The following PCYT2 variants were observed in gnomAD, a reference collection of about 807,000 sequenced individuals.
PCYT2 encodes ethanolamine-phosphate cytidylyltransferase.
In PCYT2, 33 loss-of-function variants were observed where a neutral mutation model predicts 50.0. The ratio of observed to expected loss-of-function variants is 0.66; its 90% CI spans 0.50 to 0.88. The LOEUF (loss-of-function observed/expected upper bound fraction) is 0.88. Ranked by LOEUF, PCYT2 falls within the 40% of genes least tolerant of loss-of-function variation. The pLI is 0.00. For missense variants in PCYT2, 430 were observed against 519.7 expected (o/e 0.83, Z 1.68); for synonymous variants, 240 against 203.7 (o/e 1.18, Z -1.52).
chr17:81,905,815 C>T, intron 9 of PCYT2, 80 bp from the exon 10 acceptor site: 1 of 1,438,990 alleles, frequency 6.9e-7, no homozygotes, highest in Non-Finnish European at 9.8e-7. Context: ...TGAGAGACGG[C>T]TCAGACATGG....
In PCYT2 at chr17:81,902,536, G is replaced by C; in HGVS notation, c.*2297C>G. On this transcript the variant is annotated 3_prime_UTR_variant, in exon 13 of 13. Transcript: ENST00000538936. The stretch of plus-strand genomic sequence containing the variant: ...CAGGCTGCGGAGCCTCGTGAGTCCG[G>C]CGTGCCGGGGACTGATGGGGGGCGG... 4 of 1,464,290 alleles carry C rather than the reference G, an allele frequency of 2.7e-6. No individual in the cohort carries two copies. The highest frequency in any genetic ancestry group is 3.6e-6 in the Non-Finnish European group (4 of 1,115,088). The allele number at this position is 1,464,290 out of a possible 1,614,324, so 90.7% of individuals were successfully genotyped here.
At position 81,909,592 on chromosome 17, in the gene PCYT2, C is replaced by G; in HGVS notation, c.100G>C (p.Val34Leu). Residue 34 changes from valine (V) to leucine (L), a missense_variant, in exon 2 of 13, where the codon GTG (valine) becomes CTG (leucine). Physicochemically the swap from Val to Leu is conservative, Grantham distance 32. Around this residue, in one of 4 missense-constraint regions of PCYT2, gnomAD observed 117 missense variants for 163.9 expected, o/e 0.71. Transcript: ENST00000538936. ...RVWCDGCYDMVHYGHSNQLRQ... is the reference protein window; with the variant it reads ...RVWCDGCYDMLHYGHSNQLRQ... Reference sequence around the variant, plus strand: ...AGCTGGTTGGAGTGGCCGTAATGCACCATGTCATAGCTGTGGAGACAGAGA... The same window carrying G: ...AGCTGGTTGGAGTGGCCGTAATGCAGCATGTCATAGCTGTGGAGACAGAGA... 3 of 1,613,348 alleles carry G rather than the reference C, an allele frequency of 1.9e-6. No homozygotes were observed. Among genetic ancestry groups the G allele is most frequent in the Non-Finnish European group, 2.5e-6 (3 of 1,179,464 alleles).
At position 81,902,126 on chromosome 17, in the gene PCYT2, C is replaced by A; in HGVS notation, c.*2707G>T. On this transcript the variant is annotated 3_prime_UTR_variant, in exon 13 of 13. Transcript: ENST00000538936. The stretch of plus-strand genomic sequence containing the variant: ...CCTTTGGGATGCGGAGGTGCGACGG[C>A]TCCTCCGCGCGCGCCCGCTGCACCC... 1.6e-6 allele frequency: 1 copy of A among 634,610 alleles called. No homozygotes were observed. The highest frequency in any genetic ancestry group is 2.2e-6 in the Non-Finnish European group (1 of 462,674). 39.3% of individuals were successfully genotyped at this position (634,610 alleles called of 1,614,324 possible).
chr17:81,911,154 G>A, intron 1 of PCYT2, 113 bp downstream of exon 1: 1 of 1,003,130 alleles, frequency 1.0e-6, no homozygotes, highest in South Asian at 4.5e-5. Flanking sequence ...GGCCCATGCC[G>A]GACGAGGACG....
Position 81,909,532 on chromosome 17 carries a change from C to T in PCYT2, c.160G>A (p.Val54Ile), listed in dbSNP as rs1426449723. The stretch of plus-strand genomic sequence containing the variant: ...TGCTTACCATCGGTGTGCACGCCTA[C>T]GATGAGGTAGTCACCCATGGCCCGT... ...QARAMGDYLI[V>I]GVHTDEEIAK... Residue 54 changes from valine (V) to isoleucine (I), a missense_variant, in exon 2 of 13, where the codon GTA (valine) becomes ATA (isoleucine). By Grantham distance (29) the Val-to-Ile change is conservative. Transcript: ENST00000538936. The T allele has an allele frequency of 3.7e-6, 6 of 1,613,216 alleles. No homozygotes were observed. Among genetic ancestry groups the T allele is most frequent in the South Asian group, 1.1e-5 (1 of 91,086 alleles).
chr17:81,905,341 A>G (rs771619014), intron 11 of PCYT2, 41 bp downstream of exon 11: 12 of 1,523,692 alleles, frequency 7.9e-6, no homozygotes, highest in South Asian at 2.4e-5. Flanking sequence ...GGGAGGTGCC[A>G]ATGGCAACCC....
At chr17:81,907,294 G>A in intron 6 of PCYT2, 2 of 1,503,382 alleles carry the variant, frequency 1.3e-6, no homozygotes, top group Non-Finnish European at 1.8e-6. Flanking sequence ...CTTGGTTAGA[G>A]GCCACCTGTC....
chr17:81,904,756 C>T lies in PCYT2; in HGVS notation c.*77G>A, dbSNP rs1331376548. 7.3e-6 allele frequency: 7 copies of T among 955,904 alleles called. No homozygotes were observed. The highest frequency in any genetic ancestry group is 9.4e-6 in the Non-Finnish European group (6 of 636,722). 59.2% of individuals were successfully genotyped at this position (955,904 alleles called of 1,614,324 possible). ...GAGCCAGGCCAGTTAGAGAGGGCGGCCCTGCAGAGTCCTATGTCCAAACGC... is the reference window on the plus strand; with the variant it reads ...GAGCCAGGCCAGTTAGAGAGGGCGGTCCTGCAGAGTCCTATGTCCAAACGC... On this transcript the variant is annotated 3_prime_UTR_variant, in exon 13 of 13. Coordinates refer to ENST00000538936, the MANE Select transcript of PCYT2 (RefSeq NM_002861.5).
At chr17:81,907,888 C>T (rs1221886014) in intron 4 of PCYT2, 31 bp from the exon 5 acceptor site, 1 of 1,561,110 alleles carries the variant, frequency 6.4e-7, no homozygotes, top group Non-Finnish European at 8.8e-7. Flanking sequence ...GGGGTCTCAT[C>T]CTGGGACACT....
rs183749296 is a variant in PCYT2, at chr17:81,904,499, G to A, written c.*334C>T. The A allele has an allele frequency of 4.6e-5, 14 of 307,418 alleles. 2 individuals carry two copies. The Admixed American group carries it at 6.0e-4, about 13-fold the overall frequency. 19.0% of individuals were successfully genotyped at this position (307,418 alleles called of 1,614,324 possible). ...CTGCACCTCCCGCCACAGCTGGGTG[G>A]GCAGTCAGTGTGGCCTCTGTCCAGG... On this transcript the variant is annotated 3_prime_UTR_variant, in exon 13 of 13. Coordinates refer to ENST00000538936, the MANE Select transcript of PCYT2 (RefSeq NM_002861.5).
Position 81,902,161 on chromosome 17 carries a change from C to A in PCYT2, c.*2672G>T. 2 of 1,008,322 alleles carry A rather than the reference C, an allele frequency of 2.0e-6. No homozygotes were observed. Among genetic ancestry groups the A allele is most frequent in the Non-Finnish European group, 2.5e-6 (2 of 798,264 alleles). The allele number at this position is 1,008,322 out of a possible 1,614,324, so 62.5% of individuals were successfully genotyped here. ...CGCGCCCGCTGCACCCCAGCCCGCC[C>A]GCCGCCCCTCCCGGCCCTCCGCAGC... On this transcript the variant is annotated 3_prime_UTR_variant, in exon 13 of 13. Coordinates refer to ENST00000538936, the MANE Select transcript of PCYT2 (RefSeq NM_002861.5).
intron 1 of PCYT2, chr17:81,910,805 G>A: frequency 1.2e-6 from 1 of 801,588 alleles, no homozygotes. Context: ...GACTGGCCAG[G>A]GAAGACCGAT....
At chr17:81,907,642 G>A (rs374691885) in intron 5 of PCYT2, 44 bp from the exon 6 acceptor site, 52 of 1,606,544 alleles carry the variant, frequency 3.2e-5, no homozygotes, top group Non-Finnish European at 4.1e-5. Flanking sequence ...TGCCCTCCCG[G>A]CGTGGCCACC....
rs778150904 is a variant in PCYT2, at chr17:81,906,860, C to T, written c.576G>A (p.Gln192=). The change falls in exon 7 of 13, where the codon CAG becomes CAA. Residue 192 remains glutamine (Q), a synonymous_variant. Transcript: ENST00000538936. The part of the protein sequence containing the change: ...GGRNPWTGVS[Q]FLQTSQKIIQ... ...TGATCTTCTGAGATGTCTGCAGGAA[C>T]TGGGATACCCCGGTCCAGGGGTTCC... The T allele has an allele frequency of 5.0e-6, 8 of 1,613,380 alleles. No homozygotes were observed. The South Asian group carries it at 8.8e-5, about 18-fold the overall frequency.
rs531719748 is a variant in PCYT2 at position 81,906,242 on chromosome 17, G to A, written c.760-65C>T. ...TGGGGGGACAGGGTGTGCCCCTCCCGGCTGTCCCTCATGGGAAGAAGTCGG... is the reference window on the plus strand; with the variant it reads ...TGGGGGGACAGGGTGTGCCCCTCCCAGCTGTCCCTCATGGGAAGAAGTCGG... On this transcript the variant is annotated intron_variant, in intron 8 of 12. Transcript: ENST00000538936. 4,597 of 1,411,466 alleles carry A rather than the reference G, an allele frequency of 3.3e-3. 21 individuals are homozygous for A. The highest frequency in any genetic ancestry group is 0.016 in the Middle Eastern group (88 of 5,568). 87.4% of individuals were successfully genotyped at this position (1,411,466 alleles called of 1,614,324 possible).
intron 1 of PCYT2, 78 bp from the exon 2 acceptor site, chr17:81,909,680 T>C: frequency 1.8e-6 from 2 of 1,130,292 alleles, no homozygotes; most frequent in Non-Finnish European, 2.7e-6. Flanking sequence ...GGGCAGAGCT[T>C]TGCTCCTCTG....
Position 81,902,843 on chromosome 17 carries a change from C to A in PCYT2, c.*1990G>T. 1 of 1,092,916 alleles carries A rather than the reference C, an allele frequency of 9.1e-7. No individual in the cohort carries two copies. The highest frequency in any genetic ancestry group is 1.3e-6 in the Non-Finnish European group (1 of 784,596). The allele number at this position is 1,092,916 out of a possible 1,614,324, so 67.7% of individuals were successfully genotyped here. ...TCCGGCGCGGGATGGCGCCCCAGGT[C>A]TCCCCTACTCCGCTCACCCCGCAGT... On this transcript the variant is annotated 3_prime_UTR_variant, in exon 13 of 13. Transcript: ENST00000538936.
intron 1 of PCYT2, 56 bp downstream of exon 1, chr17:81,911,211 C>T (rs1487335595): frequency 2.0e-6 from 2 of 1,023,460 alleles, no homozygotes; most frequent in Non-Finnish European, 2.3e-6. Context: ...TGGCGCGGCG[C>T]CCCGGAAGGA....
chr17:81,908,419 A>G, intron 4 of PCYT2, 149 bp downstream of exon 4: 1 of 624,276 alleles, frequency 1.6e-6, no homozygotes, highest in East Asian at 2.8e-5. Context: ...TGGCACCTCC[A>G]TCCCTCGAGT....
Sources: gnomAD v4.1 joint callset for allele counts on GRCh38, gnomAD v4.1.1 for gene constraint, gnomAD v4.1.1 regional missense constraint, MANE v1.5 for transcripts, NCBI Gene and HGNC (gene_info 2026-07-23, HGNC 2026-07-21) for gene names.